The following TCF12 variants were observed in gnomAD, a reference collection of about 807,000 sequenced individuals.
TCF12 encodes the protein transcription factor 12, also known as DNA-binding protein HTF4.
Under a neutral mutation model 86.0 loss-of-function variants are expected in TCF12, and 45 were observed. That is an observed-to-expected ratio of 0.52 (90% CI 0.41 to 0.67). TCF12 has a LOEUF of 0.67. Among genes scored for constraint, TCF12 ranks in the 30% least tolerant of loss-of-function variants. TCF12 has a pLI of 0.00. For synonymous variants in TCF12, 330 were observed against 299.6 expected, an observed-to-expected ratio of 1.10 and a Z score of -1.05; for missense variants, 881 against 859.9, an observed-to-expected ratio of 1.02 and a Z score of -0.31.
At chr15:57,219,441 AC>A in intron 8 of TCF12, 1 of 1,525,652 alleles carries the variant, frequency 6.6e-7, no homozygotes, top group Non-Finnish European at 8.9e-7. Flanking sequence ...CTGAAGACTT[AC>A]TCCCTTTGCC....
chr15:56,946,987 AG>A (rs1471684297), intron 3 of TCF12, among the ~76,000 whole-genome samples: 3 of 151,902 alleles, frequency 2.0e-5, no homozygotes, highest in Non-Finnish European at 2.9e-5. Context: ...TAGTAGAGAC[AG>A]GGTTTCACCA....
chr15:56,929,918 C>T (rs2060172026), intron 3 of TCF12, among the ~76,000 whole-genome samples: 1 of 152,122 alleles, frequency 6.6e-6, no homozygotes, highest in Non-Finnish European at 1.5e-5. Flanking sequence ...GAAGATCATT[C>T]TAGTTGCCAA....
At chr15:57,106,095 A>T (rs1444610103) in intron 5 of TCF12, among the ~76,000 whole-genome samples, 1 of 152,230 alleles carries the variant, frequency 6.6e-6, no homozygotes, top group African/African-American at 2.4e-5. Flanking sequence ...TGCTGATAGA[A>T]AGATCTCTGA....
chr15:57,120,437 G>A (rs2051148143), intron 5 of TCF12, among the ~76,000 whole-genome samples: 3 of 152,220 alleles, frequency 2.0e-5, no homozygotes, highest in Admixed American at 1.3e-4. Flanking sequence ...CTCAATAATT[G>A]TTTGTTGAAC....
chr15:57,170,826 G>C (rs1360081321), intron 6 of TCF12, among the ~76,000 whole-genome samples: 1 of 65,132 alleles, frequency 1.5e-5, no homozygotes, highest in Non-Finnish European at 2.8e-5. Context: ...TTTTTTTTTA[G>C]AGATGGGGTC....
intron 12 of TCF12, 71 bp downstream of exon 12, chr15:57,234,178 G>T: frequency 8.4e-7 from 1 of 1,184,570 alleles, no homozygotes; most frequent in Non-Finnish European, 1.3e-6. Context: ...GATTTTGTAG[G>T]TGATAAGTAT....
chr15:57,141,704 A>G (rs750625850), intron 5 of TCF12, among the ~76,000 whole-genome samples: 1 of 152,202 alleles, frequency 6.6e-6, no homozygotes, highest in Non-Finnish European at 1.5e-5. Flanking sequence ...ACAGCTATAA[A>G]TCTTGCAACT....
At position 57,204,702 on chromosome 15, in the gene TCF12, T is replaced by C. The variant is rs1320379841; in HGVS notation, c.579+6877T>C. On this transcript the variant is annotated intron_variant, in intron 8 of 20. Transcript: ENST00000333725. The stretch of plus-strand genomic sequence containing the variant: ...CTAGCGTGCTGCTATACATACTAAG[T>C]AGAATAAGAATATTCAAAAGAAAAA... 8.6e-5 allele frequency among the ~76,000 whole-genome samples: 13 copies of C among 151,822 alleles called. 1 individual carries two copies. Among genetic ancestry groups the C allele is most frequent in the Admixed American group, 8.6e-4 (13 of 15,194 alleles).
chr15:57,018,076 T>C (rs1346034976), intron 3 of TCF12, among the ~76,000 whole-genome samples: 3 of 152,180 alleles, frequency 2.0e-5, no homozygotes, highest in African/African-American at 7.2e-5. Context: ...GACACTAAAG[T>C]GTCGACCTAA....
intron 5 of TCF12, among the ~76,000 whole-genome samples, chr15:57,152,117 C>T (rs2053805305): frequency 6.6e-6 from 1 of 152,210 alleles, no homozygotes; most frequent in African/African-American, 2.4e-5. Context: ...GTCATCACAG[C>T]AACAGTCACA....
At chr15:56,951,913 G>A (rs1373680618) in intron 3 of TCF12, among the ~76,000 whole-genome samples, 1 of 152,154 alleles carries the variant, frequency 6.6e-6, no homozygotes, top group African/African-American at 2.4e-5. Flanking sequence ...CTTCCAAAGT[G>A]CTGGGATTAC....
At chr15:57,049,240 C>T (rs2141549979) in intron 3 of TCF12, among the ~76,000 whole-genome samples, 1 of 152,262 alleles carries the variant, frequency 6.6e-6, no homozygotes, top group Non-Finnish European at 1.5e-5. Flanking sequence ...TCCCTCTACC[C>T]CTTTGTGCTT....
intron 19 of TCF12, among the ~76,000 whole-genome samples, chr15:57,278,915 G>A (rs1453389468): frequency 1.9e-5 from 2 of 106,556 alleles, no homozygotes; most frequent in African/African-American, 7.1e-5. Context: ...TTTCTTTTTT[G>A]TTCTTTCCTC....
chr15:57,147,948 A>T (rs1381403099), intron 5 of TCF12, among the ~76,000 whole-genome samples: 2 of 149,524 alleles, frequency 1.3e-5, no homozygotes, highest in African/African-American at 4.9e-5. Flanking sequence ...TGGTGTGGTC[A>T]TAGCTCATTT....
intron 19 of TCF12, 79 bp from the exon 20 acceptor site, chr15:57,282,366 A>G (rs1384992473): frequency 1.3e-6 from 2 of 1,560,856 alleles, no homozygotes; most frequent in African/African-American, 1.4e-5. Flanking sequence ...GTTACACAAA[A>G]CAACAGCAAT....
chr15:57,234,361 TC>T, intron 12 of TCF12, among the ~76,000 whole-genome samples: 1 of 152,250 alleles, frequency 6.6e-6, no homozygotes, highest in East Asian at 1.9e-4. Context: ...ATCTATTTCT[TC>T]TAAATACATA....
intron 3 of TCF12, among the ~76,000 whole-genome samples, chr15:57,036,969 C>T (rs1482167729): frequency 6.6e-6 from 1 of 152,144 alleles, no homozygotes; most frequent in African/African-American, 2.4e-5. Flanking sequence ...GACAGCTGCA[C>T]ATAACTAGCA....
chr15:57,007,816 TTCTTTTTC>T (rs747302382), intron 3 of TCF12, among the ~76,000 whole-genome samples: 233 of 130,764 alleles, frequency 1.8e-3, no homozygotes, highest in Non-Finnish European at 3.0e-3. Flanking sequence ...CTTTCTTTCT[TTCTTTTTC>T]TTTCTTTCTT....
intron 3 of TCF12, among the ~76,000 whole-genome samples, chr15:56,997,272 G>A (rs769150052): frequency 1.6e-4 from 25 of 152,292 alleles, no homozygotes; most frequent in African/African-American, 3.6e-4. Flanking sequence ...GTACACATAC[G>A]CAATGGAATA....
Sources: gnomAD v4.1 joint callset for allele counts (sites outside exome capture counted in the v4.1 genomes callset) on GRCh38, gnomAD v4.1.1 for gene constraint, MANE v1.5 for transcripts, NCBI Gene and HGNC (gene_info 2026-07-23, HGNC 2026-07-21) for gene names.